MTHFD1L: variants seen among roughly 807,000 people sequenced by gnomAD.
MTHFD1L encodes methylenetetrahydrofolate dehydrogenase (NADP+ dependent) 1 like.
In MTHFD1L, 81 loss-of-function variants were observed where a neutral mutation model predicts 119.5. The ratio of observed to expected loss-of-function variants is 0.68; its 90% CI spans 0.57 to 0.82. The LOEUF (loss-of-function observed/expected upper bound fraction) is 0.82. Ranked by LOEUF, MTHFD1L falls within the 40% of genes least tolerant of loss-of-function variation. The pLI is 0.00. For synonymous variants in MTHFD1L, 430 were observed against 475.2 expected, an observed-to-expected ratio of 0.90 and a Z score of 1.24; for missense variants, 1,125 against 1,253.4, an observed-to-expected ratio of 0.90 and a Z score of 1.55.
At chr6:150,898,414 G>C (rs1784589360) in intron 7 of MTHFD1L, among the ~76,000 whole-genome samples, 1 of 152,174 alleles carries the variant, frequency 6.6e-6, no homozygotes, top group Non-Finnish European at 1.5e-5. Flanking sequence ...AAAGGAGGCA[G>C]CGGAAGCCTG....
At chr6:151,057,213 A>G (rs1790078356) in intron 26 of MTHFD1L, 1 of 985,110 alleles carries the variant, frequency 1.0e-6, no homozygotes, top group South Asian at 4.7e-5. Context: ...ATTTCTGTCA[A>G]TCTAATTTTT....
chr6:150,918,454 G>A (rs1435847677), intron 8 of MTHFD1L, 123 bp from the exon 9 acceptor site: 54 of 735,862 alleles, frequency 7.3e-5, no homozygotes, highest in Non-Finnish European at 1.1e-4. Context: ...GCCGTGCCCC[G>A]ACATCCTAAC....
intron 7 of MTHFD1L, among the ~76,000 whole-genome samples, chr6:150,896,254 C>T (rs1451205888): frequency 1.3e-5 from 2 of 152,206 alleles, no homozygotes; most frequent in African/African-American, 4.8e-5. Flanking sequence ...GTTGAATTCA[C>T]TCTTATTTTG....
At chr6:151,093,767 C>T (rs6933286) in intron 27 of MTHFD1L, among the ~76,000 whole-genome samples, 18,792 of 152,054 alleles carry the variant, frequency 0.12, 2,297 homozygotes, top group African/African-American at 0.32. Flanking sequence ...CAGGTGTGTT[C>T]GGCTCTCTTG....
intron 20 of MTHFD1L, among the ~76,000 whole-genome samples, chr6:150,983,863 T>A (rs1419686944): frequency 6.6e-6 from 1 of 152,124 alleles, no homozygotes; most frequent in South Asian, 2.1e-4. Flanking sequence ...CTCTACCTCC[T>A]GGGCTCGAGC....
chr6:150,871,495 CTTTTTTTTTT>C (rs149449398), intron 1 of MTHFD1L, among the ~76,000 whole-genome samples: 1 of 102,086 alleles, frequency 9.8e-6, no homozygotes, highest in African/African-American at 3.7e-5. Context: ...CTACTGTAAT[CTTTTTTTTTT>C]TTTTTTTTTT....
intron 24 of MTHFD1L, among the ~76,000 whole-genome samples, chr6:151,020,098 C>T (rs1309756115): frequency 6.6e-6 from 1 of 152,196 alleles, no homozygotes; most frequent in Non-Finnish European, 1.5e-5. Flanking sequence ...CTGTGTGCCC[C>T]TTGGTGTCTC....
chr6:150,897,662 C>G (rs1784461342), intron 7 of MTHFD1L, among the ~76,000 whole-genome samples: 1 of 152,178 alleles, frequency 6.6e-6, no homozygotes, highest in Admixed American at 6.5e-5. Flanking sequence ...AGAGAGCCTA[C>G]CCCAATTCTG....
rs1233710149 is a variant in MTHFD1L, at chr6:151,008,324, G to A, written c.2126-1495G>A. Among the ~76,000 whole-genome samples the A allele has an allele frequency of 2.6e-5, 4 of 152,324 alleles. No individual in the cohort carries two copies. The East Asian group carries it at 7.7e-4, about 29-fold the overall frequency. ...TTTTCTCCCGCCAGTTCCGATCGGTGTCCTGGTCATACCGTCAGCATATAA... is the reference window on the plus strand; with the variant it reads ...TTTTCTCCCGCCAGTTCCGATCGGTATCCTGGTCATACCGTCAGCATATAA... On this transcript the variant is annotated intron_variant, in intron 20 of 27. Transcript: ENST00000367321.
intron 7 of MTHFD1L, among the ~76,000 whole-genome samples, chr6:150,904,585 C>T (rs1279086203): frequency 6.6e-6 from 1 of 152,160 alleles, no homozygotes; most frequent in African/African-American, 2.4e-5. Flanking sequence ...CTATTCTCTT[C>T]TGCAAGTCTA....
At chr6:150,939,106 C>A (rs1305785536) in intron 13 of MTHFD1L, 3 of 232,928 alleles carry the variant, frequency 1.3e-5, no homozygotes, top group Non-Finnish European at 1.7e-5. Context: ...ATCTTGAAAC[C>A]CTGCTGGCCT....
intron 4 of MTHFD1L, among the ~76,000 whole-genome samples, chr6:150,880,917 C>T (rs1343293349): frequency 6.6e-6 from 1 of 152,112 alleles, no homozygotes; most frequent in African/African-American, 2.4e-5. Flanking sequence ...ACGTCTTTTG[C>T]ACATTTTTTA....
chr6:150,912,295 G>GTT (rs1466419790), intron 8 of MTHFD1L, among the ~76,000 whole-genome samples: 1 of 127,492 alleles, frequency 7.8e-6, no homozygotes, highest in Non-Finnish European at 1.6e-5. Context: ...GGCTACCAGT[G>GTT]TTTTTGTTTT....
chr6:151,063,782 A>G (rs1403014690), intron 26 of MTHFD1L, among the ~76,000 whole-genome samples: 1 of 152,214 alleles, frequency 6.6e-6, no homozygotes, highest in African/African-American at 2.4e-5. Flanking sequence ...AATGTCAAGA[A>G]TGGGATAGGA....
At chr6:151,082,189 C>T (rs766674814) in intron 26 of MTHFD1L, among the ~76,000 whole-genome samples, 1 of 152,118 alleles carries the variant, frequency 6.6e-6, no homozygotes, top group Non-Finnish European at 1.5e-5. Flanking sequence ...ATGAGTATGT[C>T]GCAAAAACTC....
intron 7 of MTHFD1L, among the ~76,000 whole-genome samples, chr6:150,898,097 G>A (rs983455512): frequency 1.3e-5 from 2 of 152,150 alleles, no homozygotes; most frequent in African/African-American, 4.8e-5. Flanking sequence ...ACCCACCTCG[G>A]CCTCCCAAAG....
At chr6:151,008,507 C>T (rs1341193032) in intron 20 of MTHFD1L, among the ~76,000 whole-genome samples, 1 of 151,938 alleles carries the variant, frequency 6.6e-6, no homozygotes, top group Non-Finnish European at 1.5e-5. Context: ...CAAGATTCCA[C>T]ATGTCTTAGA....
Position 150,918,648 on chromosome 6 carries a change from G to A in MTHFD1L, c.964G>A (p.Ala322Thr). 3.1e-6 allele frequency: 5 copies of A among 1,614,072 alleles called. No individual in the cohort carries two copies. The highest frequency in any genetic ancestry group is 1.1e-5 in the South Asian group (1 of 91,082). Reference sequence around the variant, plus strand: ...TGAGGAAGATGATGTGATTCTCCTTGCTGCAGCTCTGCGAATTCAGGTTTG... The same window carrying A: ...TGAGGAAGATGATGTGATTCTCCTTACTGCAGCTCTGCGAATTCAGGTTTG... ...LIEEDDVILL[A>T]AALRIQNMVS... Residue 322 changes from alanine to threonine, a missense_variant, in exon 9 of 28, where the codon GCT (alanine) becomes ACT (threonine). Physicochemically the swap from Ala to Thr is moderately conservative, Grantham distance 58 (BLOSUM62 0). Transcript: ENST00000367321.
At chr6:150,971,305 T>C (rs920716190) in intron 19 of MTHFD1L, among the ~76,000 whole-genome samples, 8 of 152,208 alleles carry the variant, frequency 5.3e-5, no homozygotes, top group Non-Finnish European at 1.0e-4. Context: ...CAAGCTGTTC[T>C]TGTGCTTCAG....
Sources: gnomAD v4.1 joint callset for allele counts (sites outside exome capture counted in the v4.1 genomes callset) on GRCh38, gnomAD v4.1.1 for gene constraint, MANE v1.5 for transcripts, NCBI Gene and HGNC (gene_info 2026-07-23, HGNC 2026-07-21) for gene names.